MACROD2: variants seen among roughly 807,000 people sequenced by gnomAD.
MACROD2 encodes ADP-ribose glycohydrolase MACROD2.
MACROD2 carries 36 observed loss-of-function variants against 70.4 expected under a neutral mutation model. That is an observed-to-expected ratio of 0.51 (90% confidence interval 0.39 to 0.68). The LOEUF (loss-of-function observed/expected upper bound fraction) is 0.68. Among genes scored for constraint, MACROD2 ranks in the 30% least tolerant of loss-of-function variants. The probability of loss-of-function intolerance (pLI) is 0.00; values close to 1 mark genes in which losing one functional copy is unlikely to be tolerated. For missense variants in MACROD2, 496 were observed against 538.4 expected, an observed-to-expected ratio of 0.92 and a Z score of 0.78; for synonymous variants, 172 against 178.8, an observed-to-expected ratio of 0.96 and a Z score of 0.30.
At chr20:14,284,310 C>T (rs1384128527) in intron 3 of MACROD2, among the ~76,000 whole-genome samples, 1 of 152,140 alleles carries the variant, frequency 6.6e-6, no homozygotes, top group Admixed American at 6.5e-5. Flanking sequence ...GGTGGAAAGA[C>T]ATTATAAAAC....
intron 6 of MACROD2, among the ~76,000 whole-genome samples, chr20:15,360,444 G>A (rs1486982867): frequency 1.3e-5 from 2 of 152,016 alleles, no homozygotes; most frequent in African/African-American, 4.8e-5. Flanking sequence ...AGAAATAAGA[G>A]CTAACATAAA....
At chr20:15,351,174 C>G (rs993865187) in intron 6 of MACROD2, among the ~76,000 whole-genome samples, 1 of 152,120 alleles carries the variant, frequency 6.6e-6, no homozygotes, top group Non-Finnish European at 1.5e-5. Flanking sequence ...TTAAGCAACT[C>G]TTTTACAGTT....
chr20:14,985,272 G>A (rs1337274152), intron 5 of MACROD2, among the ~76,000 whole-genome samples: 1 of 152,194 alleles, frequency 6.6e-6, no homozygotes, highest in Non-Finnish European at 1.5e-5. Context: ...GGATGCCAAA[G>A]CAAACACTGG....
At chr20:14,748,887 A>T (rs1376238338) in intron 5 of MACROD2, among the ~76,000 whole-genome samples, 2 of 152,028 alleles carry the variant, frequency 1.3e-5, no homozygotes, top group Non-Finnish European at 2.9e-5. Flanking sequence ...CAACTGAGAA[A>T]ACCAGATGCC....
intron 7 of MACROD2, among the ~76,000 whole-genome samples, chr20:15,480,374 C>A (rs1025022030): frequency 1.3e-5 from 2 of 152,176 alleles, no homozygotes; most frequent in African/African-American, 4.8e-5. Flanking sequence ...CTGGTTGCCT[C>A]CCTGACAGAA....
At chr20:14,378,294 A>G (rs1265758826) in intron 3 of MACROD2, among the ~76,000 whole-genome samples, 2 of 152,148 alleles carry the variant, frequency 1.3e-5, no homozygotes, top group African/African-American at 4.8e-5. Flanking sequence ...TTCATTTCCT[A>G]ACTGCAAGGG....
chr20:14,754,296 A>T (rs939646103), intron 5 of MACROD2, among the ~76,000 whole-genome samples: 1 of 152,152 alleles, frequency 6.6e-6, no homozygotes, highest in African/African-American at 2.4e-5. Context: ...GAAAACATCT[A>T]TACAGATCTA....
At position 15,696,678 on chromosome 20, in the gene MACROD2, G is replaced by GTTTTTT. The variant is rs374403186; in HGVS notation, c.646-166053_646-166048dup. ...TGCTGTGAATCTGTCTAGTCCTGGA[G>GTTTTTT]TTTTTTTTTTTTTTTTTTTGGTAAT... On this transcript the variant is annotated intron_variant, in intron 8 of 17. Transcript: ENST00000684519. Among the ~76,000 whole-genome samples the GTTTTTT allele has an allele frequency of 3.1e-3, 274 of 88,540 alleles. 1 individual carries two copies. Among genetic ancestry groups the GTTTTTT allele is most frequent in the East Asian group, 0.019 (52 of 2,714 alleles). The allele number at this position is 88,540 out of a possible 152,430, so 58.1% of individuals were successfully genotyped here.
At chr20:15,751,650 A>G (rs1468795902) in intron 8 of MACROD2, among the ~76,000 whole-genome samples, 1 of 151,942 alleles carries the variant, frequency 6.6e-6, no homozygotes, top group Non-Finnish European at 1.5e-5. Flanking sequence ...GTTTGAGCAT[A>G]AATTGCTAAG....
intron 6 of MACROD2, among the ~76,000 whole-genome samples, chr20:15,414,602 T>C (rs1358813374): frequency 6.6e-6 from 1 of 152,240 alleles, no homozygotes; most frequent in Non-Finnish European, 1.5e-5. Context: ...GCAGTATTGT[T>C]ACAAGGTACA....
chr20:14,505,838 CAAA>C (rs1282249214), intron 4 of MACROD2, among the ~76,000 whole-genome samples: 1 of 151,812 alleles, frequency 6.6e-6, no homozygotes, highest in South Asian at 2.1e-4. Flanking sequence ...ATCCTCTCTC[CAAA>C]AAAAGCAGCT....
chr20:15,448,307 C>G (rs576670056), intron 7 of MACROD2, among the ~76,000 whole-genome samples: 1 of 152,246 alleles, frequency 6.6e-6, no homozygotes, highest in African/African-American at 2.4e-5. Context: ...GCCTGCAGAA[C>G]TCTTACTGCC....
At position 14,003,934 on chromosome 20, in the gene MACROD2, C is replaced by A. The variant is rs924558092; in HGVS notation, c.163+1530C>A. Among the ~76,000 whole-genome samples the A allele has an allele frequency of 2.6e-5, 4 of 152,224 alleles. No homozygotes were observed. The East Asian group carries it at 7.7e-4, about 29-fold the overall frequency. On this transcript the variant is annotated intron_variant, in intron 2 of 17. Coordinates refer to ENST00000684519, the MANE Select transcript of MACROD2 (RefSeq NM_001351661.2). ...CTTCATGTTTGAGTCTCAGTAATTT[C>A]TTTTTTTGTTTATAAGCAACTGGTA...
At chr20:14,812,420 G>A (rs562084186) in intron 5 of MACROD2, among the ~76,000 whole-genome samples, 1 of 152,048 alleles carries the variant, frequency 6.6e-6, no homozygotes, top group South Asian at 2.1e-4. Context: ...GGGCCTGTTG[G>A]GAGGTAGGGG....
chr20:14,622,910 C>T (rs1325055241), intron 4 of MACROD2: 2 of 152,118 alleles, frequency 1.3e-5, no homozygotes, highest in Non-Finnish European at 2.9e-5. Flanking sequence ...CTTTCAGAAC[C>T]GAGGCACTAT....
In MACROD2 at chr20:15,544,981, G is replaced by T. The variant is rs149754345; in HGVS notation, c.645+45134G>T. 2.1e-3 allele frequency among the ~76,000 whole-genome samples: 322 copies of T among 152,230 alleles called. 2 individuals carry two copies. Among genetic ancestry groups the T allele is most frequent in the African/African-American group, 7.5e-3 (311 of 41,518 alleles). ...AGTACTTTGGGAGCTGATAGAGTTT[G>T]GCTGTCATTTGAAAATGTTTTCCTG... On this transcript the variant is annotated intron_variant, in intron 8 of 17. Coordinates refer to ENST00000684519, the MANE Select transcript of MACROD2 (RefSeq NM_001351661.2).
chr20:14,295,349 G>A (rs746456051), intron 3 of MACROD2, among the ~76,000 whole-genome samples: 1 of 151,948 alleles, frequency 6.6e-6, no homozygotes, highest in Non-Finnish European at 1.5e-5. Flanking sequence ...GCAGACAACA[G>A]GCAATGTAGG....
At chr20:14,602,383 G>A (rs1212104573) in intron 4 of MACROD2, among the ~76,000 whole-genome samples, 3 of 152,216 alleles carry the variant, frequency 2.0e-5, no homozygotes, top group Non-Finnish European at 4.4e-5. Context: ...CCGTGGGCAT[G>A]TTTAGTCAAA....
chr20:15,227,883 C>A (rs940264039), intron 5 of MACROD2, among the ~76,000 whole-genome samples: 2 of 126,870 alleles, frequency 1.6e-5, no homozygotes, highest in Admixed American at 1.7e-4. Context: ...CATATCATAC[C>A]GAACCCATTT....
Sources: gnomAD v4.1 joint callset for allele counts (sites outside exome capture counted in the v4.1 genomes callset) on GRCh38, gnomAD v4.1.1 for gene constraint, MANE v1.5 for transcripts, NCBI Gene and HGNC (gene_info 2026-07-23, HGNC 2026-07-21) for gene names.